Variants in SUGCT observed in about 807,000 individuals in gnomAD.
SUGCT encodes the protein succinyl-CoA:glutarate CoA-transferase.
Under a neutral mutation model 55.0 loss-of-function variants are expected in SUGCT, and 41 were observed. The ratio of observed to expected loss-of-function variants is 0.74; its 90% CI spans 0.58 to 0.97. The LOEUF (loss-of-function observed/expected upper bound fraction) is 0.97, where lower values mean the gene tolerates loss of function less well. Ranked by LOEUF, SUGCT falls within the 50% of genes least tolerant of loss-of-function variation. The pLI is 0.00. For missense variants in SUGCT, 568 were observed against 547.8 expected (o/e 1.04, Z -0.37); for synonymous variants, 187 against 200.4 (o/e 0.93, Z 0.56).
At chr7:40,946,385 G>A in the SUGCT span, among the ~76,000 whole-genome samples, 2 of 152,128 alleles carry the variant, frequency 1.3e-5, no homozygotes, top group Non-Finnish European at 2.9e-5. Flanking sequence ...GATACAAGCT[G>A]TGGTTCCAGT....
intron 12 of SUGCT, among the ~76,000 whole-genome samples, chr7:40,706,670 C>T (rs746978588): frequency 8.5e-5 from 13 of 152,188 alleles, no homozygotes; most frequent in Non-Finnish European, 1.8e-4. Context: ...AACATCCATT[C>T]AGCAACTTTC....
chr7:41,021,621 A>C, the SUGCT span, among the ~76,000 whole-genome samples: 1 of 151,854 alleles, frequency 6.6e-6, no homozygotes, highest in Admixed American at 6.6e-5. Context: ...AATGCCCCCC[A>C]CCCCCAAGAA....
At chr7:40,797,344 A>T (rs1790598108) in intron 13 of SUGCT, among the ~76,000 whole-genome samples, 1 of 152,118 alleles carries the variant, frequency 6.6e-6, no homozygotes, top group African/African-American at 2.4e-5. Flanking sequence ...GGAAAATATG[A>T]TCACTCTATA....
chr7:41,011,996 A>G, the SUGCT span, among the ~76,000 whole-genome samples: 4,042 of 152,114 alleles, frequency 0.027, 185 homozygotes, highest in South Asian at 0.19. Flanking sequence ...TTCACTTCAT[A>G]TTCCACACTT....
chr7:40,444,292 G>T (rs1788687460), intron 9 of SUGCT, among the ~76,000 whole-genome samples: 1 of 152,154 alleles, frequency 6.6e-6, no homozygotes, highest in South Asian at 2.1e-4. Context: ...GGATGGCATT[G>T]AATTTGTAAA....
intron 9 of SUGCT, among the ~76,000 whole-genome samples, chr7:40,336,781 C>T (rs1478467155): frequency 6.6e-6 from 1 of 152,042 alleles, no homozygotes; most frequent in Non-Finnish European, 1.5e-5. Flanking sequence ...TATTTCTTGC[C>T]TTCTGCTAGC....
the SUGCT span, among the ~76,000 whole-genome samples, chr7:40,887,002 C>A: frequency 3.8e-4 from 58 of 152,238 alleles, no homozygotes; most frequent in African/African-American, 1.4e-3. Context: ...TGGACCTATA[C>A]CTGAGTCCAA....
chr7:40,408,176 T>G (rs949029198), intron 9 of SUGCT, among the ~76,000 whole-genome samples: 2 of 152,208 alleles, frequency 1.3e-5, no homozygotes, highest in Admixed American at 6.5e-5. Context: ...TGACAGATGC[T>G]CTTGGTTAAT....
intron 12 of SUGCT, among the ~76,000 whole-genome samples, chr7:40,580,346 G>GA: frequency 6.6e-6 from 1 of 152,108 alleles, no homozygotes; most frequent in Non-Finnish European, 1.5e-5. Flanking sequence ...ATAATACTTA[G>GA]AAAATATATT....
intron 11 of SUGCT, among the ~76,000 whole-genome samples, chr7:40,464,660 T>C (rs1310169981): frequency 6.6e-6 from 1 of 152,160 alleles, no homozygotes; most frequent in Non-Finnish European, 1.5e-5. Flanking sequence ...CAAGACCCTA[T>C]GTTGCTACAA....
chr7:40,507,816 C>T (rs981601485), intron 12 of SUGCT, among the ~76,000 whole-genome samples: 4 of 152,106 alleles, frequency 2.6e-5, no homozygotes, highest in African/African-American at 9.7e-5. Context: ...TTGGTAAAGC[C>T]GAACATATGT....
the SUGCT span, among the ~76,000 whole-genome samples, chr7:40,994,265 A>G: frequency 0.05 from 7,590 of 152,226 alleles, 260 homozygotes; most frequent in South Asian, 0.13. Flanking sequence ...TAATCTAATA[A>G]AGCACATCCG....
chr7:40,705,741 A>G (rs1785367131), intron 12 of SUGCT, among the ~76,000 whole-genome samples: 1 of 152,164 alleles, frequency 6.6e-6, no homozygotes, highest in South Asian at 2.1e-4. Flanking sequence ...TGCTGGTGCC[A>G]AATTATTGCC....
chr7:40,471,229 G>A (rs1790387483), intron 11 of SUGCT, among the ~76,000 whole-genome samples: 1 of 151,956 alleles, frequency 6.6e-6, no homozygotes, highest in East Asian at 1.9e-4. Context: ...TTAACATTCT[G>A]TTATCTAAAA....
chr7:40,455,777 C>T (rs1466910022), intron 10 of SUGCT, among the ~76,000 whole-genome samples: 1 of 152,180 alleles, frequency 6.6e-6, no homozygotes, highest in Non-Finnish European at 1.5e-5. Flanking sequence ...TGTTTCTGCA[C>T]CTTCCTGCAT....
chr7:40,245,423 ATTTTTTTTTTTTT>A (rs1168316176), intron 7 of SUGCT, among the ~76,000 whole-genome samples: 6 of 54,592 alleles, frequency 1.1e-4, no homozygotes, highest in South Asian at 5.4e-4. Flanking sequence ...ATATATATAT[ATTTTTTTTTTTTT>A]TTTTTTTTTT....
Position 40,749,414 on chromosome 7 carries a change from C to G in SUGCT, c.1090-20C>G. ...GTTTTATTTTGTAAATTATTTTTCT[C>G]TCTGTTTTTGCCTTTTCAGGTATTA... On this transcript the variant is annotated intron_variant, in intron 12 of 13. Transcript: ENST00000335693. 6.2e-7 allele frequency: 1 copy of G among 1,604,326 alleles called. No homozygotes were observed. The highest frequency in any genetic ancestry group is 8.5e-7 in the Non-Finnish European group (1 of 1,171,178).
chr7:40,428,516 TC>T lies in SUGCT; in HGVS notation c.817-20770del, dbSNP rs1305887414. 2.0e-4 allele frequency among the ~76,000 whole-genome samples: 20 copies of T among 101,850 alleles called. No homozygotes were observed. In the Admixed American group the frequency reaches 2.2e-3, roughly 11 times the overall value. The allele number at this position is 101,850 out of a possible 152,430, so 66.8% of individuals were successfully genotyped here. A position where few individuals can be genotyped will look rare whatever the true frequency, so the allele number is the denominator to read the frequency against. On this transcript the variant is annotated intron_variant, in intron 9 of 13. Transcript: ENST00000335693. The stretch of plus-strand genomic sequence containing the variant: ...TGTAGTTGCTCTCTCTCTTTCTCTG[TC>T]TCTGCTGTGTGTGTGTGTGTGTGTG...
Position 40,294,279 on chromosome 7 carries a change from G to A in SUGCT, c.720+19623G>A, listed in dbSNP as rs368485129. Reference sequence around the variant, plus strand: ...CAGAACTTTAAGGCTTGATAACTGTGTGGATACAATGAACACAACTGAGGC... The same window carrying A: ...CAGAACTTTAAGGCTTGATAACTGTATGGATACAATGAACACAACTGAGGC... On this transcript the variant is annotated intron_variant, in intron 8 of 13. Coordinates refer to ENST00000335693, the MANE Select transcript of SUGCT (RefSeq NM_001193313.2). Among the ~76,000 whole-genome samples the A allele has an allele frequency of 6.3e-4, 96 of 152,128 alleles. 2 individuals are homozygous for A. In the South Asian group the frequency reaches 0.02, roughly 31 times the overall value.
Sources: gnomAD v4.1 joint callset for allele counts (sites outside exome capture counted in the v4.1 genomes callset) on GRCh38, gnomAD v4.1.1 for gene constraint, MANE v1.5 for transcripts, NCBI Gene and HGNC (gene_info 2026-07-23, HGNC 2026-07-21) for gene names.